SLCO1A2: variants seen among roughly 807,000 people sequenced by gnomAD.
SLCO1A2 encodes the protein solute carrier organic anion transporter family member 1A2.
SLCO1A2 carries 67 observed loss-of-function variants against 69.0 expected under a neutral mutation model. The observed-to-expected ratio is 0.97, with a 90% CI of 0.80 to 1.19. SLCO1A2 has a LOEUF of 1.19. SLCO1A2 is among the 50% of genes most tolerant of loss of function. SLCO1A2 has a pLI of 0.00. For synonymous variants in SLCO1A2, 260 were observed against 265.9 expected, an observed-to-expected ratio of 0.98 and a Z score of 0.22; for missense variants, 787 against 793.7, an observed-to-expected ratio of 0.99 and a Z score of 0.10.
At chr12:21,398,452 A>C (rs1379031190), upstream of SLCO1A2, among the ~76,000 whole-genome samples, 3 of 141,468 alleles carry the variant, frequency 2.1e-5, no homozygotes, top group Non-Finnish European at 3.2e-5. Flanking sequence ...AGGTACAAGG[A>C]GGAACTGGTA....
chr12:21,280,399 A>G (rs1409069110), intron 12 of SLCO1A2, among the ~76,000 whole-genome samples: 3 of 152,146 alleles, frequency 2.0e-5, no homozygotes, highest in Admixed American at 2.0e-4. Context: ...ATTCCATGCC[A>G]ATAGAAACCA....
chr12:21,289,216 G>GTT (rs1946448425), intron 12 of SLCO1A2, among the ~76,000 whole-genome samples: 1 of 150,928 alleles, frequency 6.6e-6, no homozygotes, highest in South Asian at 2.1e-4. Flanking sequence ...GTGTGTGTGT[G>GTT]TGTGTGTGTA....
intron 2 of SLCO1A2, among the ~76,000 whole-genome samples, chr12:21,365,204 G>C (rs1408325139): frequency 1.3e-5 from 2 of 152,096 alleles, no homozygotes; most frequent in Non-Finnish European, 2.9e-5. Context: ...CAGAGATATA[G>C]ACCAATGGAA....
At chr12:21,311,983 G>A (rs906241678) in intron 4 of SLCO1A2, among the ~76,000 whole-genome samples, 2 of 150,974 alleles carry the variant, frequency 1.3e-5, no homozygotes, top group African/African-American at 2.4e-5. Context: ...AGGAGGAGGA[G>A]GAGGAAGAGG....
At chr12:21,328,997 GAGTAAACAGACCTTAC>G (rs1196147649) in intron 2 of SLCO1A2, among the ~76,000 whole-genome samples, 3 of 152,160 alleles carry the variant, frequency 2.0e-5, no homozygotes. Context: ...CCCATTTCCA[GAGTAAACAGACCTTAC>G]AGTAGCAATT....
At chr12:21,408,454 G>A (rs183584777) in intron 1 of SLCO1A2, among the ~76,000 whole-genome samples, 108 of 152,100 alleles carry the variant, frequency 7.1e-4, no homozygotes, top group Admixed American at 1.8e-3. Flanking sequence ...TATTCAATGC[G>A]ATTTCTTAAC....
chr12:21,303,051 A>G (rs146628775), intron 6 of SLCO1A2, among the ~76,000 whole-genome samples: 1 of 152,084 alleles, frequency 6.6e-6, no homozygotes, highest in Non-Finnish European at 1.5e-5. Flanking sequence ...GCCATATGGA[A>G]CTGTTTTCTT....
chr12:21,310,799 T>C (rs981784864), intron 4 of SLCO1A2, among the ~76,000 whole-genome samples: 2 of 152,166 alleles, frequency 1.3e-5, no homozygotes, highest in Non-Finnish European at 2.9e-5. Flanking sequence ...GAGACGGGGT[T>C]TCACCGTGTT....
intron 14 of SLCO1A2, among the ~76,000 whole-genome samples, chr12:21,271,508 T>TTCTA (rs1386300735): frequency 4.6e-5 from 7 of 151,382 alleles, no homozygotes; most frequent in African/African-American, 1.7e-4. Flanking sequence ...TATCAGGTCG[T>TTCTA]TCTATGTCAT....
chr12:21,302,967 C>T lies in SLCO1A2; in HGVS notation c.589+1460G>A, dbSNP rs144474449. Among the ~76,000 whole-genome samples the T allele has an allele frequency of 5.7e-3, 861 of 151,164 alleles. 5 individuals are homozygous for T. Among genetic ancestry groups the T allele is most frequent in the African/African-American group, 0.017 (689 of 41,132 alleles). ...TCAGCCTCCCAAAGTGCTGGGATTA[C>T]AGGCATGAGCCACCACACCTGGTCA... is the stretch of plus-strand genomic sequence containing the variant. On this transcript the variant is annotated intron_variant, in intron 6 of 14. Transcript: ENST00000683939.
chr12:21,310,019 G>A (rs113529730), intron 4 of SLCO1A2, among the ~76,000 whole-genome samples: 3 of 152,136 alleles, frequency 2.0e-5, no homozygotes, highest in Admixed American at 6.5e-5. Context: ...ATGATATAAC[G>A]AGGTAATTAT....
upstream of SLCO1A2, among the ~76,000 whole-genome samples, chr12:21,400,122 A>G (rs1486798661): frequency 6.6e-6 from 1 of 152,024 alleles, no homozygotes; most frequent in Admixed American, 6.6e-5. Context: ...TTCGCAACCT[A>G]CTCATCTGAC....
chr12:21,393,791 T>G (rs1341597930), intron 1 of SLCO1A2, among the ~76,000 whole-genome samples: 1 of 152,236 alleles, frequency 6.6e-6, no homozygotes, highest in African/African-American at 2.4e-5. Context: ...CTGTAAAAAT[T>G]TTGATTGTTT....
rs115663340 is a variant in SLCO1A2 at position 21,307,432 on chromosome 12, C to T, written c.336-444G>A. 7.6e-3 allele frequency among the ~76,000 whole-genome samples: 1,150 copies of T among 152,246 alleles called. 13 individuals carry two copies. Among genetic ancestry groups the T allele is most frequent in the African/African-American group, 0.026 (1,072 of 41,546 alleles). ...AGTTTGCTCAAAAGAAGCGAAACCTCCAGTTTCTGAGAAACCGTACAATAA... is the reference window on the plus strand; with the variant it reads ...AGTTTGCTCAAAAGAAGCGAAACCTTCAGTTTCTGAGAAACCGTACAATAA... On this transcript the variant is annotated intron_variant, in intron 4 of 14. Transcript: ENST00000683939.
chr12:21,310,065 G>A (rs1174216319), intron 4 of SLCO1A2, among the ~76,000 whole-genome samples: 1 of 152,130 alleles, frequency 6.6e-6, no homozygotes, highest in Non-Finnish European at 1.5e-5. Flanking sequence ...TATAAGTAAA[G>A]AATGATAAGC....
At chr12:21,402,786 A>C (rs1941748135) in intron 1 of SLCO1A2, among the ~76,000 whole-genome samples, 1 of 152,156 alleles carries the variant, frequency 6.6e-6, no homozygotes, top group East Asian at 1.9e-4. Flanking sequence ...GTGTATAATT[A>C]CATAAATCAT....
intron 2 of SLCO1A2, among the ~76,000 whole-genome samples, chr12:21,325,190 C>T (rs1440332637): frequency 2.4e-4 from 36 of 152,036 alleles, no homozygotes; most frequent in Admixed American, 2.4e-3. Flanking sequence ...TTACTAGTTT[C>T]CATTTAGTGT....
At chr12:21,371,826 A>C (rs1939817098) in intron 2 of SLCO1A2, among the ~76,000 whole-genome samples, 1 of 152,064 alleles carries the variant, frequency 6.6e-6, no homozygotes, top group Middle Eastern at 3.2e-3. Context: ...AACATAGAGA[A>C]TCCCCGTCTC....
intron 1 of SLCO1A2, among the ~76,000 whole-genome samples, chr12:21,374,792 CTTTTT>C (rs1180151557): frequency 1.5e-4 from 22 of 151,384 alleles, no homozygotes; most frequent in African/African-American, 5.1e-4. Flanking sequence ...TTTACCCTCT[CTTTTT>C]TTTATTTTAT....
Sources: allele counts gnomAD v4.1 joint callset (sites outside exome capture counted in the v4.1 genomes callset), GRCh38; gene constraint gnomAD v4.1.1; transcripts MANE v1.5; gene names NCBI Gene and HGNC (gene_info 2026-07-23, HGNC 2026-07-21).